HMBOX1: variants seen among roughly 807,000 people sequenced by gnomAD.
The protein encoded by HMBOX1 is homeobox containing 1, also known as homeobox-containing protein 1.
A neutral mutation model predicts 54.5 loss-of-function variants in HMBOX1; 14 were observed. That is an observed-to-expected ratio of 0.26 (90% CI 0.17 to 0.40). The LOEUF is 0.40. Among genes scored for constraint, HMBOX1 ranks in the 10% least tolerant of loss-of-function variants. The probability of loss-of-function intolerance (pLI) is 1.00; values close to 1 mark genes in which losing one functional copy is unlikely to be tolerated. For synonymous variants in HMBOX1, 160 were observed against 181.0 expected (o/e 0.88, Z 0.93); for missense variants, 332 against 514.4 (o/e 0.65, Z 3.43).
intron 4 of HMBOX1, among the ~76,000 whole-genome samples, chr8:28,998,266 CTAT>C (rs1832150849): frequency 6.6e-6 from 1 of 152,112 alleles, no homozygotes; most frequent in Admixed American, 6.5e-5. Flanking sequence ...ATATCTCCAA[CTAT>C]TATTGTTGAA....
At chr8:28,896,050 G>A (rs1812043362) in intron 1 of HMBOX1, among the ~76,000 whole-genome samples, 1 of 152,146 alleles carries the variant, frequency 6.6e-6, no homozygotes, top group African/African-American at 2.4e-5. Flanking sequence ...CATACCACCT[G>A]TGTCCAAATC....
intron 1 of HMBOX1, among the ~76,000 whole-genome samples, chr8:28,925,020 T>C (rs1359768925): frequency 6.6e-6 from 1 of 151,988 alleles, no homozygotes; most frequent in African/African-American, 2.4e-5. Flanking sequence ...GATTTTTTTT[T>C]TTTTACTAGG....
At chr8:29,006,235 CA>C (rs559976587) in intron 4 of HMBOX1, among the ~76,000 whole-genome samples, 1 of 152,164 alleles carries the variant, frequency 6.6e-6, no homozygotes, top group South Asian at 2.1e-4. Flanking sequence ...TCAGACAATC[CA>C]CCCACCTCTG....
chr8:28,928,263 C>T (rs1321342243), intron 1 of HMBOX1, among the ~76,000 whole-genome samples: 1 of 152,116 alleles, frequency 6.6e-6, no homozygotes, highest in Non-Finnish European at 1.5e-5. Context: ...ACCTCTTGAG[C>T]TAATATCTGA....
intron 4 of HMBOX1, among the ~76,000 whole-genome samples, chr8:28,994,520 C>T (rs1831498711): frequency 6.6e-6 from 1 of 152,134 alleles, no homozygotes; most frequent in South Asian, 2.1e-4. Context: ...AAAGATTCTA[C>T]ACTACTGTTA....
chr8:28,952,151 C>T (rs1231528356), intron 1 of HMBOX1, among the ~76,000 whole-genome samples: 120 of 139,246 alleles, frequency 8.6e-4, no homozygotes, highest in African/African-American at 2.9e-3. Context: ...AGAGTAAGAC[C>T]CTATCTTAAA....
chr8:28,956,316 TAA>T (rs1824431105), intron 1 of HMBOX1, among the ~76,000 whole-genome samples: 1 of 152,056 alleles, frequency 6.6e-6, no homozygotes, highest in Admixed American at 6.5e-5. Context: ...TTTAACTGCT[TAA>T]GTTTTTTTTT....
intron 4 of HMBOX1, among the ~76,000 whole-genome samples, chr8:29,003,555 A>ATATATATATATATATATATAT (rs1832971970): frequency 1.4e-5 from 1 of 71,312 alleles, no homozygotes; most frequent in Non-Finnish European, 2.7e-5. Flanking sequence ...TTCTGTATTA[A>ATATATATATATATATATATAT]ATATATATAT....
intron 6 of HMBOX1, among the ~76,000 whole-genome samples, chr8:29,035,861 T>G (rs540326384): frequency 2.5e-4 from 38 of 152,356 alleles, no homozygotes; most frequent in African/African-American, 8.2e-4. Context: ...TTTGTCAGTT[T>G]TACTGTTTTT....
chr8:29,001,711 T>A (rs1832700412), intron 4 of HMBOX1, among the ~76,000 whole-genome samples: 1 of 152,216 alleles, frequency 6.6e-6, no homozygotes, highest in Admixed American at 6.5e-5. Context: ...GTCTGTATAT[T>A]TATCAAAACT....
intron 4 of HMBOX1, among the ~76,000 whole-genome samples, chr8:29,003,944 T>TTA (rs1363027300): frequency 1.3e-5 from 2 of 152,148 alleles, no homozygotes; most frequent in Non-Finnish European, 2.9e-5. Flanking sequence ...TTTCTTATAG[T>TTA]TACTGCAATT....
intron 4 of HMBOX1, among the ~76,000 whole-genome samples, chr8:28,991,821 A>G (rs528561915): frequency 2.0e-4 from 31 of 152,294 alleles, no homozygotes; most frequent in African/African-American, 7.5e-4. Flanking sequence ...TGAGTTATAG[A>G]TGGCCAGTGG....
At chr8:28,934,186 A>T (rs902582918) in intron 1 of HMBOX1, among the ~76,000 whole-genome samples, 1 of 152,246 alleles carries the variant, frequency 6.6e-6, no homozygotes, top group African/African-American at 2.4e-5. Flanking sequence ...TCTAAAATCA[A>T]TATGATTCAC....
intron 1 of HMBOX1, among the ~76,000 whole-genome samples, chr8:28,917,291 C>G (rs1444075007): frequency 6.6e-6 from 1 of 152,010 alleles, no homozygotes; most frequent in Non-Finnish European, 1.5e-5. Context: ...ATTTATTAGA[C>G]TTATGCCTAA....
chr8:28,893,042 G>A (rs924213681), intron 1 of HMBOX1, among the ~76,000 whole-genome samples: 1 of 152,158 alleles, frequency 6.6e-6, no homozygotes, highest in African/African-American at 2.4e-5. Context: ...AAAAACACGA[G>A]TGTTTTCTCT....
chr8:28,905,767 T>C lies in HMBOX1; in HGVS notation c.-58+15089T>C, dbSNP rs186943633. On this transcript the variant is annotated intron_variant, in intron 1 of 9. Transcript: ENST00000287701. ...CTAACTTAACTTCCATGATGTCTGC[T>C]GTATTTCTGGATTACTTTCATATGG... 2.5e-3 allele frequency among the ~76,000 whole-genome samples: 388 copies of C among 152,378 alleles called. 2 individuals carry two copies. Among genetic ancestry groups the C allele is most frequent in the Non-Finnish European group, 2.7e-3 (184 of 68,044 alleles).
At chr8:29,043,753 C>G (rs1805177536) in intron 6 of HMBOX1, among the ~76,000 whole-genome samples, 2 of 152,140 alleles carry the variant, frequency 1.3e-5, no homozygotes, top group South Asian at 4.1e-4. Context: ...GCTGTTAGTT[C>G]TCAGAGTTAA....
chr8:28,912,631 C>T (rs1458071050), intron 1 of HMBOX1, among the ~76,000 whole-genome samples: 1 of 152,142 alleles, frequency 6.6e-6, no homozygotes, highest in Non-Finnish European at 1.5e-5. Flanking sequence ...GAAACACTTG[C>T]TTCTGCGGCT....
chr8:28,902,819 G>A (rs147458620), intron 1 of HMBOX1, among the ~76,000 whole-genome samples: 1 of 152,158 alleles, frequency 6.6e-6, no homozygotes, highest in Non-Finnish European at 1.5e-5. Context: ...TCCACCTTTT[G>A]ATGGGAGGAG....
Sources: gnomAD v4.1 joint callset for allele counts (sites outside exome capture counted in the v4.1 genomes callset) on GRCh38, gnomAD v4.1.1 for gene constraint, MANE v1.5 for transcripts, NCBI Gene and HGNC (gene_info 2026-07-23, HGNC 2026-07-21) for gene names.